The following RTEL1 variants were observed in gnomAD, a reference collection of about 807,000 sequenced individuals.
RTEL1 encodes the protein regulator of telomere elongation helicase 1, also known as regulator of telomere length.
Under a neutral mutation model 162.2 loss-of-function variants are expected in RTEL1, and 86 were observed. The observed-to-expected ratio is 0.53, with a 90% CI of 0.45 to 0.63. The LOEUF is 0.63. Ranked by LOEUF, RTEL1 falls within the 30% of genes least tolerant of loss-of-function variation. The pLI is 0.00. For synonymous variants in RTEL1, 958 were observed against 717.9 expected (o/e 1.33, Z -5.35); for missense variants, 1,941 against 1,750.2 (o/e 1.11, Z -1.95).
intron 12 of RTEL1, among the ~76,000 whole-genome samples, chr20:63,678,586 G>GAACAGCACACACACTCCCACA: frequency 2.0e-5 from 3 of 148,950 alleles, no homozygotes; most frequent in South Asian, 2.1e-4. Context: ...CACACCCATG[G>GAACAGCACACACACTCCCACA]AACAGCACAC....
intron 8 of RTEL1, among the ~76,000 whole-genome samples, chr20:63,667,984 TC>T (rs1391625444): frequency 1.6e-5 from 2 of 126,878 alleles, no homozygotes; most frequent in African/African-American, 6.2e-5. Context: ...ACTCCCCTCT[TC>T]CCAGTGCATG....
At chr20:63,677,461 G>A (rs918307279) in intron 10 of RTEL1, among the ~76,000 whole-genome samples, 54 of 152,184 alleles carry the variant, frequency 3.5e-4, no homozygotes, top group African/African-American at 1.2e-3. Flanking sequence ...CTAAAAATGC[G>A]AAAATTAGCC....
At chr20:63,681,215 G>T (rs2090471800) in intron 14 of RTEL1, 1 of 985,322 alleles carries the variant, frequency 1.0e-6, no homozygotes, top group Non-Finnish European at 1.2e-6. Flanking sequence ...GTCCTGTCCT[G>T]CAATGCCCGT....
rs765413757 is a variant in RTEL1, at chr20:63,688,425, C to T, written c.1722+39C>T. On this transcript the variant is annotated intron_variant, in intron 20 of 34. Coordinates refer to ENST00000360203, the MANE Select transcript of RTEL1 (RefSeq NM_001283009.2). The stretch of plus-strand genomic sequence containing the variant: ...GTGTTCTGGGCGGGGTGGGTGAGGG[C>T]AGGGCTGGAGCATGAAGCAGGCAGT... 4 of 1,606,470 alleles carry T rather than the reference C, an allele frequency of 2.5e-6. No individual in the cohort carries two copies. In the Admixed American group the frequency reaches 6.7e-5, roughly 27 times the overall value.
intron 14 of RTEL1, 22 bp from the exon 15 acceptor site, chr20:63,685,500 GC>G: frequency 6.2e-7 from 1 of 1,610,194 alleles, no homozygotes; most frequent in Non-Finnish European, 8.5e-7. Flanking sequence ...TCCTGACGGG[GC>G]TGCACTTCCT....
At chr20:63,658,189 G>A (rs549743246), upstream of RTEL1, 1 of 152,432 alleles carries the variant, frequency 6.6e-6, no homozygotes, top group South Asian at 2.1e-4. Flanking sequence ...CTGGCCAGCG[G>A]AGCCGGACAC....
At chr20:63,680,588 A>G in intron 13 of RTEL1, 76 bp from the exon 14 acceptor site, 1 of 1,519,970 alleles carries the variant, frequency 6.6e-7, no homozygotes, top group Non-Finnish European at 9.1e-7. Context: ...GAGCGGGCTC[A>G]TGCTGGAAGG....
At chr20:63,685,618 G>A (rs766375067) in intron 15 of RTEL1, 21 bp downstream of exon 15, 1 of 1,604,830 alleles carries the variant, frequency 6.2e-7, no homozygotes, top group South Asian at 1.1e-5. Context: ...CCTCCAGGAG[G>A]CAGGTGGAGG....
chr20:63,676,761 C>T (rs530621167), intron 10 of RTEL1, among the ~76,000 whole-genome samples: 18 of 152,222 alleles, frequency 1.2e-4, no homozygotes, highest in Middle Eastern at 3.4e-3. Context: ...GGTGAAACCC[C>T]GTCTCTACTA....
At chr20:63,663,576 GCTCATCACGGGGT>G (rs577019160) in intron 6 of RTEL1, among the ~76,000 whole-genome samples, 152 of 152,336 alleles carry the variant, frequency 1.0e-3, no homozygotes, top group African/African-American at 3.3e-3. Flanking sequence ...GGCTTCTGGG[GCTCATCACGGGGT>G]CCTAGAGACA....
intron 6 of RTEL1, among the ~76,000 whole-genome samples, chr20:63,664,357 C>T (rs981849514): frequency 6.6e-6 from 1 of 152,230 alleles, no homozygotes. Flanking sequence ...GAGCATGGGC[C>T]TGGCCGGCCG....
chr20:63,686,019 TCTC>T, intron 16 of RTEL1, 147 bp downstream of exon 16: 1 of 707,464 alleles, frequency 1.4e-6, no homozygotes, highest in East Asian at 2.7e-5. Context: ...TCCAGAGCAT[TCTC>T]CTCACTGTCC....
At chr20:63,681,465 T>G (rs2090476372) in intron 14 of RTEL1, 1 of 985,180 alleles carries the variant, frequency 1.0e-6, no homozygotes, top group Non-Finnish European at 1.2e-6. Flanking sequence ...ACGCTGTACC[T>G]GCTGGCCACA....
intron 29 of RTEL1, 42 bp downstream of exon 29, chr20:63,693,045 T>C (rs375944160): frequency 8.1e-6 from 13 of 1,609,946 alleles, no homozygotes; most frequent in Non-Finnish European, 9.3e-6. Context: ...AGGGCAGTGC[T>C]GCCGCCGCGT....
intron 8 of RTEL1, among the ~76,000 whole-genome samples, chr20:63,670,877 T>C (rs2090228061): frequency 6.6e-6 from 1 of 151,722 alleles, no homozygotes; most frequent in Non-Finnish European, 1.5e-5. Flanking sequence ...GAGTTTTGTT[T>C]GCAGTTGCCA....
rs753522994 is a variant in RTEL1 at position 63,673,908 on chromosome 20, T to C, written c.766-32T>C. 74 of 1,591,840 alleles carry C rather than the reference T, an allele frequency of 4.6e-5. No individual in the cohort carries two copies. The South Asian group carries it at 8.0e-4, about 17-fold the overall frequency. On this transcript the variant is annotated intron_variant, in intron 9 of 34. Coordinates refer to ENST00000360203, the MANE Select transcript of RTEL1 (RefSeq NM_001283009.2). Reference sequence around the variant, plus strand: ...TCTGGAACCCCCGATCCTGTCCTGTTCTGTGGTGATTCGGGTGTGCTTGGG... The same window carrying C: ...TCTGGAACCCCCGATCCTGTCCTGTCCTGTGGTGATTCGGGTGTGCTTGGG...
chr20:63,670,728 A>G (rs1262992691), intron 8 of RTEL1, among the ~76,000 whole-genome samples: 1 of 152,100 alleles, frequency 6.6e-6, no homozygotes, highest in East Asian at 1.9e-4. Flanking sequence ...TCACGCCTGT[A>G]ATCCCAGAAC....
At position 63,692,921 on chromosome 20, in the gene RTEL1, G is replaced by A. The variant is rs2090788815; in HGVS notation, c.2769G>A (p.Lys923=). ...ATFTQALQDY[K]GSDDFAALAA... ...TCACCCAGGCCCTGCAGGACTACAA[G>A]GGTTCCGATGACTTCGCCGCCCTGG... is the stretch of plus-strand genomic sequence containing the variant. Residue 923 remains lysine (K), a synonymous_variant, in exon 29 of 35, where the codon AAG becomes AAA. Transcript: ENST00000360203. The A allele has an allele frequency of 6.2e-7, 1 of 1,612,556 alleles. No individual in the cohort carries two copies. The highest frequency in any genetic ancestry group is 1.3e-5 in the African/African-American group (1 of 74,934).
Position 63,682,574 on chromosome 20 carries a change from A to T in RTEL1, c.1191+1855A>T, listed in dbSNP as rs1457438580. ...TGCTCTAAGTAGCCGCTGGTGGATG[A>T]CTCAGCTTCTGCCAGCCCTCGGGTG... On this transcript the variant is annotated intron_variant, in intron 14 of 34. Coordinates refer to ENST00000360203, the MANE Select transcript of RTEL1 (RefSeq NM_001283009.2). 1.3e-5 allele frequency: 13 copies of T among 985,810 alleles called. No homozygotes were observed. In the South Asian group the frequency reaches 5.2e-4, roughly 39 times the overall value. The allele number at this position is 985,810 out of a possible 1,614,324, so 61.1% of individuals were successfully genotyped here. A position where few individuals can be genotyped will look rare whatever the true frequency, so the allele number is the denominator to read the frequency against.
Sources: allele counts gnomAD v4.1 joint callset (sites outside exome capture counted in the v4.1 genomes callset), GRCh38; gene constraint gnomAD v4.1.1; transcripts MANE v1.5; gene names NCBI Gene and HGNC (gene_info 2026-07-23, HGNC 2026-07-21).